The following COL6A6 variants were observed in gnomAD, a reference collection of about 807,000 sequenced individuals.
COL6A6 encodes collagen type VI alpha 6 chain.
COL6A6 carries 183 observed loss-of-function variants against 208.6 expected under a neutral mutation model. The observed-to-expected ratio is 0.88, with a 90% CI of 0.78 to 0.99. The LOEUF is 0.99. Ranked by LOEUF, COL6A6 falls within the 50% of genes least tolerant of loss-of-function variation. The pLI is 0.00. For missense variants in COL6A6, 2,816 were observed against 2,815.2 expected (o/e 1.00, Z -0.01); for synonymous variants, 973 against 1,011.8 (o/e 0.96, Z 0.73).
In COL6A6 at chr3:130,583,261, A is replaced by T. The variant is rs72994306; in HGVS notation, c.3970+1193A>T. On this transcript the variant is annotated intron_variant, in intron 10 of 36. Transcript: ENST00000358511. ...GTTTTTATTTTATCCCTTATTTACG[A>T]AGTATGCCTTGTTTTTATTCTCTCT... Among the ~76,000 whole-genome samples the T allele has an allele frequency of 1.4e-3, 214 of 152,258 alleles. 1 individual carries two copies. The highest frequency in any genetic ancestry group is 4.8e-3 in the African/African-American group (200 of 41,550).
At chr3:130,635,235 C>CA (rs529904388) in intron 27 of COL6A6, among the ~76,000 whole-genome samples, 5,342 of 146,774 alleles carry the variant, frequency 0.036, 249 homozygotes, top group Admixed American at 0.13. Context: ...ACTCTGTCTC[C>CA]AAAAAAAAAT....
chr3:130,655,699 C>T (rs2065768791), intron 33 of COL6A6, among the ~76,000 whole-genome samples: 1 of 152,212 alleles, frequency 6.6e-6, no homozygotes, highest in Non-Finnish European at 1.5e-5. Context: ...TTAAATTTTG[C>T]AGAGTTTATT....
At chr3:130,656,400 G>C (rs2065789855) in intron 33 of COL6A6, among the ~76,000 whole-genome samples, 3 of 150,450 alleles carry the variant, frequency 2.0e-5, no homozygotes. Flanking sequence ...CTCCTGATGA[G>C]TGTCTGGCTC....
rs551727460 is a variant in COL6A6, at chr3:130,648,597, T to C, written c.5240-472T>C. Among the ~76,000 whole-genome samples the C allele has an allele frequency of 6.6e-5, 10 of 152,362 alleles. No homozygotes were observed. In the South Asian group the frequency reaches 2.1e-3, roughly 32 times the overall value. On this transcript the variant is annotated intron_variant, in intron 32 of 36. Coordinates refer to ENST00000358511, the MANE Select transcript of COL6A6 (RefSeq NM_001102608.3). ...TCTTTGCGTCTCATTCTTTGCTCTG[T>C]AAATTATGTCAGTTTTCTTCCAATT...
chr3:130,622,847 A>G (rs2064774628), intron 24 of COL6A6, among the ~76,000 whole-genome samples: 1 of 151,920 alleles, frequency 6.6e-6, no homozygotes, highest in Admixed American at 6.6e-5. Flanking sequence ...ACAGAGCGAG[A>G]CTCTGTCTCA....
intron 36 of COL6A6, among the ~76,000 whole-genome samples, chr3:130,667,427 T>C (rs2066102809): frequency 6.6e-6 from 1 of 152,140 alleles, no homozygotes; most frequent in Admixed American, 6.5e-5. Flanking sequence ...TTAGGATAGA[T>C]GGGGTTTCAC....
intron 22 of COL6A6, among the ~76,000 whole-genome samples, chr3:130,609,253 AATGTTGAACCTCAG>A (rs2064279300): frequency 6.6e-6 from 1 of 152,160 alleles, no homozygotes; most frequent in Non-Finnish European, 1.5e-5. Flanking sequence ...AGCCAAGGAA[AATGTTGAACCTCAG>A]ATCTGGGAAT....
Position 130,563,096 on chromosome 3 carries a change from G to C in COL6A6, c.93G>C (p.Leu31Phe). Residue 31 changes from leucine (L) to phenylalanine (F), a missense_variant, in exon 3 of 37, where the codon TTG (leucine) becomes TTC (phenylalanine). Physicochemically the swap from Leu to Phe is conservative, Grantham distance 22. Transcript: ENST00000358511. ...SGPEYADVVF[L>F]VDSSDRLGSK... is the part of the protein sequence containing the mutation. ...CTGAGTATGCAGATGTTGTGTTTTT[G>C]GTGGACAGCTCTGATCGCCTGGGAT... 1 of 1,611,630 alleles carries C rather than the reference G, an allele frequency of 6.2e-7. No individual in the cohort carries two copies. Among genetic ancestry groups the C allele is most frequent in the South Asian group, 1.1e-5 (1 of 90,738 alleles).
Position 130,658,746 on chromosome 3 carries a change from G to A in COL6A6, c.5804G>A (p.Arg1935Lys). ...GCCGACTACATACCAGCATTAGAGA[G>A]ACTCCAGCGGTGCACTTTCTGCTAT... ...SGADYIPALERLQRCTFCYDV... is the reference protein window; with the variant it reads ...SGADYIPALEKLQRCTFCYDV... The change falls in exon 34 of 37, where the codon AGA (arginine) becomes AAA (lysine). Residue 1935 changes from arginine to lysine, a missense_variant. Physicochemically the swap from Arg to Lys is conservative, Grantham distance 26 (BLOSUM62 2). Transcript: ENST00000358511. The A allele has an allele frequency of 6.2e-7, 1 of 1,612,690 alleles. No homozygotes were observed. The highest frequency in any genetic ancestry group is 8.5e-7 in the Non-Finnish European group (1 of 1,179,312).
Position 130,593,104 on chromosome 3 carries a change from A to G in COL6A6, c.4415A>G (p.Gln1472Arg). The G allele has an allele frequency of 1.2e-6, 2 of 1,613,650 alleles. No homozygotes were observed. The highest frequency in any genetic ancestry group is 1.7e-6 in the Non-Finnish European group (2 of 1,179,554). ...GGAATTGACGGATTAAACGGAGAAC[A>G]GGTAGAGCCTTCTTGTACCATAGAG... The part of the protein sequence containing the change: ...ENGIDGLNGE[Q>R]GDNGLPGRKG... The change falls in exon 16 of 37, where the codon CAG (glutamine) becomes CGG (arginine). Residue 1472 changes from glutamine to arginine, a missense_variant and splice_region_variant. Transcript: ENST00000358511.
chr3:130,591,038 C>A lies in COL6A6; in HGVS notation c.4219-3C>A. 6.4e-7 allele frequency: 1 copy of A among 1,572,150 alleles called. No homozygotes were observed. Among genetic ancestry groups the A allele is most frequent in the Non-Finnish European group, 8.6e-7 (1 of 1,156,236 alleles). On this transcript the variant is annotated splice_region_variant and splice_polypyrimidine_tract_variant and intron_variant, in intron 12 of 36. Transcript: ENST00000358511. The stretch of plus-strand genomic sequence containing the variant: ...AATGTTTTCTTCCTTTTCTTATTTC[C>A]AGGGACCTCCAGGTTTTAAAGGCAG...
At chr3:130,603,191 G>T (rs2064076853) in intron 20 of COL6A6, among the ~76,000 whole-genome samples, 5 of 152,236 alleles carry the variant, frequency 3.3e-5, no homozygotes, top group Admixed American at 3.3e-4. Flanking sequence ...AAGGAACTTA[G>T]AATCATGTTG....
chr3:130,573,631 A>G (rs977520772), intron 7 of COL6A6, among the ~76,000 whole-genome samples: 4 of 146,624 alleles, frequency 2.7e-5, no homozygotes, highest in Admixed American at 7.0e-5. Context: ...CAGAGGCACA[A>G]TCTCGGCTCA....
chr3:130,574,544 C>T lies in COL6A6; in HGVS notation c.3547+19C>T, dbSNP rs1417383314. 4 of 1,592,152 alleles carry T rather than the reference C, an allele frequency of 2.5e-6. No homozygotes were observed. The highest frequency in any genetic ancestry group is 2.7e-5 in the African/African-American group (2 of 74,690). On this transcript the variant is annotated intron_variant, in intron 8 of 36. Coordinates refer to ENST00000358511, the MANE Select transcript of COL6A6 (RefSeq NM_001102608.3). ...GAAAGCAGTAAGTATTTAGCAAGTT[C>T]TTCATTCGATTCCCTACACCATCTT... is the stretch of plus-strand genomic sequence containing the variant.
intron 35 of COL6A6, among the ~76,000 whole-genome samples, chr3:130,664,786 T>C (rs899755573): frequency 2.8e-4 from 43 of 152,220 alleles, no homozygotes; most frequent in African/African-American, 9.4e-4. Context: ...ACTGAAAAGT[T>C]AGTTGAATTC....
At chr3:130,551,646 TC>T (rs1376178827) in intron 1 of COL6A6, among the ~76,000 whole-genome samples, 2 of 150,476 alleles carry the variant, frequency 1.3e-5, no homozygotes, top group African/African-American at 2.5e-5. Flanking sequence ...TTTTTTTTTT[TC>T]ACATCTCCAT....
At chr3:130,589,598 A>G (rs2063625993) in intron 12 of COL6A6, among the ~76,000 whole-genome samples, 1 of 152,232 alleles carries the variant, frequency 6.6e-6, no homozygotes, top group Non-Finnish European at 1.5e-5. Context: ...AAACCAGGCT[A>G]GATCAGATCA....
chr3:130,660,393 G>A (rs551897098), intron 34 of COL6A6, among the ~76,000 whole-genome samples: 7 of 152,294 alleles, frequency 4.6e-5, no homozygotes, highest in Non-Finnish European at 1.0e-4. Flanking sequence ...GAACAAGACT[G>A]TAGTGAGAAT....
At chr3:130,621,090 C>T (rs1370047806) in intron 23 of COL6A6, among the ~76,000 whole-genome samples, 1 of 152,152 alleles carries the variant, frequency 6.6e-6, no homozygotes, top group South Asian at 2.1e-4. Context: ...GGACTTACTT[C>T]CATTATATCT....
Sources: gnomAD v4.1 joint callset for allele counts (sites outside exome capture counted in the v4.1 genomes callset) on GRCh38, gnomAD v4.1.1 for gene constraint, MANE v1.5 for transcripts, NCBI Gene and HGNC (gene_info 2026-07-23, HGNC 2026-07-21) for gene names.